Variants in AGMO observed in about 807,000 individuals in gnomAD.
AGMO encodes the protein glyceryl-ether monooxygenase.
A neutral mutation model predicts 60.2 loss-of-function variants in AGMO; 75 were observed. The observed-to-expected ratio is 1.25, with a 90% CI of 1.03 to 1.51. AGMO has a LOEUF of 1.51. AGMO is among the 40% of genes most tolerant of loss of function. The pLI, the probability that AGMO is intolerant of heterozygous loss-of-function variation, is 0.00. For missense variants in AGMO, 763 were observed against 525.5 expected, an observed-to-expected ratio of 1.45 and a Z score of -4.42; for synonymous variants, 261 against 177.1, an observed-to-expected ratio of 1.47 and a Z score of -3.76.
chr7:15,554,247 T>C (rs913232128), intron 2 of AGMO, among the ~76,000 whole-genome samples: 1 of 152,058 alleles, frequency 6.6e-6, no homozygotes, highest in Non-Finnish European at 1.5e-5. Context: ...CACATGACTC[T>C]GCACCCTGGA....
At chr7:15,172,504 A>G in the AGMO span, among the ~76,000 whole-genome samples, 1 of 152,220 alleles carries the variant, frequency 6.6e-6, no homozygotes, top group Non-Finnish European at 1.5e-5. Flanking sequence ...TGACTAAAGC[A>G]TCAACACTTA....
the AGMO span, among the ~76,000 whole-genome samples, chr7:15,129,901 G>A: frequency 6.6e-6 from 1 of 152,122 alleles, no homozygotes; most frequent in Non-Finnish European, 1.5e-5. Context: ...CACATAGTGT[G>A]TATTAAATGC....
the AGMO span, among the ~76,000 whole-genome samples, chr7:15,194,013 TCTG>T: frequency 6.6e-6 from 1 of 152,314 alleles, no homozygotes; most frequent in East Asian, 1.9e-4. Context: ...AAGAAATTTT[TCTG>T]CTAACAATCA....
chr7:15,145,159 A>C, the AGMO span, among the ~76,000 whole-genome samples: 2 of 152,320 alleles, frequency 1.3e-5, no homozygotes, highest in South Asian at 4.1e-4. Context: ...AATAGCGTCA[A>C]AATATCACCT....
chr7:15,440,462 T>C (rs1438237251), intron 3 of AGMO, among the ~76,000 whole-genome samples: 1 of 152,166 alleles, frequency 6.6e-6, no homozygotes, highest in African/African-American at 2.4e-5. Flanking sequence ...ACAGTGTAAT[T>C]TGTATACACA....
At chr7:15,165,775 CT>C in the AGMO span, among the ~76,000 whole-genome samples, 4 of 152,090 alleles carry the variant, frequency 2.6e-5, no homozygotes, top group African/African-American at 7.2e-5. Flanking sequence ...ACCCAAGGTA[CT>C]TTTTCTATAA....
rs372713117 is a variant in AGMO at position 15,471,596 on chromosome 7, C to T, written c.410-40488G>A. Among the ~76,000 whole-genome samples, 6 of 151,930 alleles carry T rather than the reference C, an allele frequency of 3.9e-5. No individual in the cohort carries two copies. In the East Asian group the frequency reaches 5.8e-4, roughly 15 times the overall value. On this transcript the variant is annotated intron_variant, in intron 3 of 12. Coordinates refer to ENST00000342526, the MANE Select transcript of AGMO (RefSeq NM_001004320.2). ...TGAGGATTACCTTACAATAAAGCAG[C>T]ATTGTTTTAGAAACAATGTTAGCTT...
chr7:15,175,536 C>A, the AGMO span, among the ~76,000 whole-genome samples: 1 of 151,722 alleles, frequency 6.6e-6, no homozygotes, highest in African/African-American at 2.4e-5. Context: ...TTATTTTTGG[C>A]TCTTTTATTC....
At chr7:15,225,778 G>T (rs979502941) in intron 12 of AGMO, among the ~76,000 whole-genome samples, 1 of 151,762 alleles carries the variant, frequency 6.6e-6, no homozygotes, top group Non-Finnish European at 1.5e-5. Context: ...AAATATTTAG[G>T]AAAAACAAGC....
At chr7:15,536,943 C>A (rs1216753103) in intron 3 of AGMO, among the ~76,000 whole-genome samples, 1 of 151,762 alleles carries the variant, frequency 6.6e-6, no homozygotes, top group African/African-American at 2.4e-5. Flanking sequence ...TGGCTGTATT[C>A]AAATATTTTG....
chr7:15,186,943 G>C, the AGMO span, among the ~76,000 whole-genome samples: 90 of 152,286 alleles, frequency 5.9e-4, no homozygotes, highest in Admixed American at 2.2e-3. Flanking sequence ...TACGTTTCTG[G>C]ATTGGTGTTA....
At chr7:15,519,185 G>C (rs950182903) in intron 3 of AGMO, among the ~76,000 whole-genome samples, 1 of 151,782 alleles carries the variant, frequency 6.6e-6, no homozygotes, top group East Asian at 1.9e-4. Flanking sequence ...ATCAAACCTA[G>C]GTTTGATTGT....
At chr7:15,456,704 C>T (rs1335463891) in intron 3 of AGMO, among the ~76,000 whole-genome samples, 17 of 152,148 alleles carry the variant, frequency 1.1e-4, no homozygotes, top group Non-Finnish European at 2.9e-5. Context: ...CTGTACACCT[C>T]TTTCAGATGC....
chr7:15,307,514 A>C (rs780350919), intron 12 of AGMO, among the ~76,000 whole-genome samples: 1 of 152,122 alleles, frequency 6.6e-6, no homozygotes, highest in South Asian at 2.1e-4. Flanking sequence ...ATAAATCAGT[A>C]AAGTATACTA....
At chr7:15,426,156 T>C (rs1781055803) in intron 4 of AGMO, among the ~76,000 whole-genome samples, 1 of 152,226 alleles carries the variant, frequency 6.6e-6, no homozygotes, top group Non-Finnish European at 1.5e-5. Context: ...TCACACATTC[T>C]ACCTTTTATT....
At chr7:15,381,358 AG>A (rs1454432823) in intron 10 of AGMO, among the ~76,000 whole-genome samples, 1 of 152,138 alleles carries the variant, frequency 6.6e-6, no homozygotes, top group Non-Finnish European at 1.5e-5. Flanking sequence ...CCCATAAAAA[AG>A]TGGGCGAAGA....
rs1182918113 is a variant in AGMO, at chr7:15,549,263, G to A, written c.258-4340C>T. ...CTAGGAAGAAACTGCATCAACTAAC[G>A]AGCAAAATCACCAGCTAACATCATA... On this transcript the variant is annotated intron_variant, in intron 2 of 12. Coordinates refer to ENST00000342526, the MANE Select transcript of AGMO (RefSeq NM_001004320.2). Among the ~76,000 whole-genome samples the A allele has an allele frequency of 6.2e-5, 9 of 144,238 alleles. No homozygotes were observed. In the South Asian group the frequency reaches 1.2e-3, roughly 19 times the overall value. 94.6% of individuals were successfully genotyped at this position (144,238 alleles called of 152,430 possible). A position where few individuals can be genotyped will look rare whatever the true frequency, so the allele number is the denominator to read the frequency against.
chr7:15,354,461 CGTGT>C lies in AGMO; in HGVS notation c.1263+11049_1263+11052del, dbSNP rs199954575. Reference sequence around the variant, plus strand: ...GTATACACACGTGTGTGTATACACACGTGTGTGTATACACACGTGTGTATATACA... The same window carrying C: ...GTATACACACGTGTGTGTATACACACGTGTATACACACGTGTGTATATACA... On this transcript the variant is annotated intron_variant, in intron 12 of 12. Transcript: ENST00000342526. 2.1e-3 allele frequency among the ~76,000 whole-genome samples: 34 copies of C among 16,422 alleles called. 2 individuals carry two copies. Among genetic ancestry groups the C allele is most frequent in the African/African-American group, 5.1e-3 (16 of 3,150 alleles). 10.8% of individuals were successfully genotyped at this position (16,422 alleles called of 152,430 possible).
intron 3 of AGMO, among the ~76,000 whole-genome samples, chr7:15,506,582 T>C (rs1583624914): frequency 6.6e-6 from 1 of 152,106 alleles, no homozygotes; most frequent in Non-Finnish European, 1.5e-5. Flanking sequence ...TTCTTTTATA[T>C]CTTTGTTTGT....
Sources: allele counts gnomAD v4.1 joint callset (sites outside exome capture counted in the v4.1 genomes callset), GRCh38; gene constraint gnomAD v4.1.1; transcripts MANE v1.5; gene names NCBI Gene and HGNC (gene_info 2026-07-23, HGNC 2026-07-21).